Variants in CTTNBP2 observed in about 807,000 individuals in gnomAD.
CTTNBP2 encodes the protein cortactin binding protein 2.
In CTTNBP2, 108 loss-of-function variants were observed where a neutral mutation model predicts 156.9. The observed-to-expected ratio is 0.69, with a 90% CI of 0.59 to 0.81. The LOEUF (loss-of-function observed/expected upper bound fraction) is 0.81, where lower values mean the gene tolerates loss of function less well. Ranked by LOEUF, CTTNBP2 falls within the 30% of genes least tolerant of loss-of-function variation. The probability of loss-of-function intolerance (pLI) is 0.00; values close to 1 mark genes in which losing one functional copy is unlikely to be tolerated. For missense variants in CTTNBP2, 1,924 were observed against 2,035.4 expected (o/e 0.95, Z 1.05); for synonymous variants, 767 against 751.8 (o/e 1.02, Z -0.33).
At chr7:117,786,009 G>A (rs563569570) in intron 4 of CTTNBP2, among the ~76,000 whole-genome samples, 2 of 152,220 alleles carry the variant, frequency 1.3e-5, no homozygotes, top group African/African-American at 4.8e-5. Flanking sequence ...CTAAGCATAT[G>A]AGAGTCATAT....
In CTTNBP2 at chr7:117,728,123, G is replaced by GA; in HGVS notation, c.4020dup (p.Pro1341SerfsTer16). On this transcript the variant is annotated frameshift_variant, in exon 17 of 23. Transcript: ENST00000160373. LOFTEE classifies it high-confidence loss of function. ...ACTTGGGCATGCCCAGGAACTACAG[G>GA]ACAAGACAGGAAATATTTTGGTCCA... The GA allele has an allele frequency of 6.2e-7, 1 of 1,614,118 alleles. No homozygotes were observed. The highest frequency in any genetic ancestry group is 8.5e-7 in the Non-Finnish European group (1 of 1,179,998).
intron 2 of CTTNBP2, among the ~76,000 whole-genome samples, chr7:117,855,434 A>T (rs969651469): frequency 1.3e-5 from 2 of 152,166 alleles, no homozygotes; most frequent in African/African-American, 2.4e-5. Flanking sequence ...AATCAGTTTT[A>T]AAAATAGTCC....
chr7:117,806,482 A>G (rs957235474), intron 3 of CTTNBP2, among the ~76,000 whole-genome samples: 4 of 152,206 alleles, frequency 2.6e-5, no homozygotes, highest in African/African-American at 2.4e-5. Context: ...GGCTCGTTGC[A>G]TCCCTGTCCT....
chr7:117,713,637 A>G (rs2116315877), intron 22 of CTTNBP2: 1 of 152,302 alleles, frequency 6.6e-6, no homozygotes, highest in Middle Eastern at 3.4e-3. Context: ...GCATGTCACT[A>G]AAGTTCTTTT....
Position 117,845,305 on chromosome 7 carries a change from T to A in CTTNBP2, c.189+15904A>T, listed in dbSNP as rs1447126919. ...ATTGAAAAATCTCAAAGTTGAAGAA[T>A]AGCTAGGGATATGTTCACTCACAAT... On this transcript the variant is annotated intron_variant, in intron 2 of 22. Transcript: ENST00000160373. Among the ~76,000 whole-genome samples, 3 of 152,104 alleles carry A rather than the reference T, an allele frequency of 2.0e-5. No homozygotes were observed. In the East Asian group the frequency reaches 5.8e-4, roughly 29 times the overall value.
intron 10 of CTTNBP2, among the ~76,000 whole-genome samples, chr7:117,759,053 A>G (rs1207994562): frequency 2.0e-5 from 3 of 152,166 alleles, no homozygotes; most frequent in Non-Finnish European, 2.9e-5. Context: ...GTGTGGACAA[A>G]ATGTGTTCCT....
intron 12 of CTTNBP2, among the ~76,000 whole-genome samples, chr7:117,753,155 C>T (rs1489661114): frequency 6.6e-6 from 1 of 152,096 alleles, no homozygotes; most frequent in Non-Finnish European, 1.5e-5. Context: ...TGAAAAAAAG[C>T]TCAACATCAC....
At chr7:117,735,851 A>G (rs1246094033) in intron 14 of CTTNBP2, among the ~76,000 whole-genome samples, 1 of 152,192 alleles carries the variant, frequency 6.6e-6, no homozygotes, top group Non-Finnish European at 1.5e-5. Flanking sequence ...CTAAATCTAT[A>G]ATTTAGGGAT....
chr7:117,716,272 A>G (rs912557316), intron 22 of CTTNBP2, among the ~76,000 whole-genome samples: 5 of 151,674 alleles, frequency 3.3e-5, no homozygotes, highest in African/African-American at 9.7e-5. Flanking sequence ...TAGCAACTCA[A>G]TATGGTCATG....
chr7:117,778,776 T>A (rs867108050), intron 7 of CTTNBP2, among the ~76,000 whole-genome samples: 145 of 152,322 alleles, frequency 9.5e-4, no homozygotes, highest in African/African-American at 3.3e-3. Context: ...TTTTAAAAAA[T>A]TTTTCATAAA....
At chr7:117,843,510 A>T (rs1413476841) in intron 2 of CTTNBP2, among the ~76,000 whole-genome samples, 1 of 152,216 alleles carries the variant, frequency 6.6e-6, no homozygotes, top group African/African-American at 2.4e-5. Flanking sequence ...GGAAACAAAT[A>T]TGAAAGCTCT....
rs756378928 is a variant in CTTNBP2, at chr7:117,792,584, T to C, written c.612A>G (p.Lys204=). The C allele has an allele frequency of 1.2e-6, 2 of 1,614,198 alleles. No individual in the cohort carries two copies. Among genetic ancestry groups the C allele is most frequent in the Non-Finnish European group, 8.5e-7 (1 of 1,180,034 alleles). ...DVMAKLEEEK[K]KTNELEEELS... is the part of the protein sequence containing the mutation. ...GTTCCTCTTCTAATTCATTCGTCTT[T>C]TTCTTTTCCTCTTCCAGTTTGGCCA... The change falls in exon 4 of 23, where the codon AAA becomes AAG. Residue 204 remains lysine (K), a synonymous_variant. Transcript: ENST00000160373. The surrounding 1 kb of genome is among the most constrained non-coding windows in gnomAD (Gnocchi z 4.2).
At chr7:117,720,918 T>C in intron 20 of CTTNBP2, 149 bp downstream of exon 20, 1 of 666,346 alleles carries the variant, frequency 1.5e-6, no homozygotes, top group Non-Finnish European at 2.7e-6. Flanking sequence ...TTCAGTTTAA[T>C]ATCAGCATTT....
intron 3 of CTTNBP2, among the ~76,000 whole-genome samples, chr7:117,806,056 G>A (rs561684646): frequency 1.9e-4 from 29 of 152,240 alleles, no homozygotes; most frequent in Non-Finnish European, 3.2e-4. Context: ...TGTTATTGTC[G>A]AATTTATATC....
intron 9 of CTTNBP2, 56 bp from the exon 10 acceptor site, chr7:117,760,766 T>G (rs983317105): frequency 4.3e-6 from 5 of 1,155,348 alleles, no homozygotes; most frequent in Non-Finnish European, 1.2e-6. Flanking sequence ...AAAAAAAAAG[T>G]AAAACTATTA....
chr7:117,832,030 C>G (rs549280461), intron 2 of CTTNBP2, among the ~76,000 whole-genome samples: 3 of 152,234 alleles, frequency 2.0e-5, no homozygotes, highest in Non-Finnish European at 4.4e-5. Context: ...GACATTTCAA[C>G]AAGCCCCCTG....
At chr7:117,823,132 T>C (rs1208782880) in intron 2 of CTTNBP2, among the ~76,000 whole-genome samples, 1 of 152,204 alleles carries the variant, frequency 6.6e-6, no homozygotes, top group Non-Finnish European at 1.5e-5. Context: ...TCTTTCTATT[T>C]ATAATTCCCC....
At chr7:117,775,136 A>G (rs1054974513) in intron 8 of CTTNBP2, among the ~76,000 whole-genome samples, 1 of 152,204 alleles carries the variant, frequency 6.6e-6, no homozygotes, top group African/African-American at 2.4e-5. Context: ...TAAATGTCTT[A>G]ATCATAAAAT....
intron 9 of CTTNBP2, among the ~76,000 whole-genome samples, chr7:117,763,552 CTTCTTT>C (rs774580311): frequency 0.021 from 2,751 of 130,762 alleles, 18 homozygotes; most frequent in Non-Finnish European, 0.023. Flanking sequence ...TTTTCTTCTT[CTTCTTT>C]TTTTTTTTTT....
Sources: allele counts gnomAD v4.1 joint callset (sites outside exome capture counted in the v4.1 genomes callset), GRCh38; gene constraint gnomAD v4.1.1; non-coding constraint Gnocchi (gnomAD v3.1); transcripts MANE v1.5; gene names NCBI Gene and HGNC (gene_info 2026-07-23, HGNC 2026-07-21).